Variants in MYCBP2 observed in about 807,000 individuals in gnomAD.
The protein encoded by MYCBP2 is E3 ubiquitin-protein ligase MYCBP2.
MYCBP2 carries 120 observed loss-of-function variants against 525.3 expected under a neutral mutation model. That is an observed-to-expected ratio of 0.23 (90% CI 0.20 to 0.27). The LOEUF is 0.27. MYCBP2 is among the 10% of genes least tolerant of loss of function. MYCBP2 has a pLI of 1.00. For synonymous variants in MYCBP2, 1,894 were observed against 1,955.8 expected, an observed-to-expected ratio of 0.97 and a Z score of 0.83; for missense variants, 4,149 against 5,657.1, an observed-to-expected ratio of 0.73 and a Z score of 8.55.
chr13:77,234,206 CTA>C, intron 17 of MYCBP2, among the ~76,000 whole-genome samples: 1 of 151,774 alleles, frequency 6.6e-6, no homozygotes. Context: ...TACAGCAGAA[CTA>C]TAGTTTCCTT....
intron 23 of MYCBP2, among the ~76,000 whole-genome samples, chr13:77,209,106 GT>G (rs1391524495): frequency 6.6e-6 from 1 of 152,196 alleles, no homozygotes; most frequent in African/African-American, 2.4e-5. Context: ...CCTCTCAGCT[GT>G]TTTACCAAAA....
chr13:77,311,570 T>G (rs537310098), intron 1 of MYCBP2, among the ~76,000 whole-genome samples: 440 of 143,842 alleles, frequency 3.1e-3, no homozygotes, highest in Non-Finnish European at 5.0e-3. Flanking sequence ...TTTTTGTTTT[T>G]TTTTTTTTGT....
intron 46 of MYCBP2, among the ~76,000 whole-genome samples, chr13:77,152,144 G>A (rs1427114062): frequency 6.6e-6 from 1 of 152,228 alleles, no homozygotes; most frequent in Non-Finnish European, 1.5e-5. Context: ...TATGGAATCA[G>A]TAGTTTGAGA....
At chr13:77,139,512 C>T (rs1232371317) in intron 51 of MYCBP2, among the ~76,000 whole-genome samples, 176 bp from the exon 52 acceptor site, 1 of 152,090 alleles carries the variant, frequency 6.6e-6, no homozygotes, top group Non-Finnish European at 1.5e-5. Flanking sequence ...GCAAAGAGTG[C>T]CAACACAATA....
At chr13:77,164,694 C>T (rs2058333187) in intron 42 of MYCBP2, among the ~76,000 whole-genome samples, 153 bp from the exon 43 acceptor site, 1 of 152,198 alleles carries the variant, frequency 6.6e-6, no homozygotes, top group African/African-American at 2.4e-5. Flanking sequence ...AGATTCAGTA[C>T]TCAATGTTGT....
At chr13:77,235,914 G>A (rs1166850154) in intron 17 of MYCBP2, among the ~76,000 whole-genome samples, 1 of 152,110 alleles carries the variant, frequency 6.6e-6, no homozygotes, top group Non-Finnish European at 1.5e-5. Flanking sequence ...GGAAAAAAAG[G>A]AAGGGCAAGG....
At chr13:77,203,717 A>C (rs2062923025) in intron 26 of MYCBP2, among the ~76,000 whole-genome samples, 1 of 152,156 alleles carries the variant, frequency 6.6e-6, no homozygotes, top group Non-Finnish European at 1.5e-5. Flanking sequence ...AATGGAACGG[A>C]ACAGAGCCCT....
intron 80 of MYCBP2, among the ~76,000 whole-genome samples, chr13:77,052,242 A>C (rs2036968908): frequency 6.6e-6 from 1 of 151,544 alleles, no homozygotes; most frequent in South Asian, 2.1e-4. Context: ...TCTGTTGCCC[A>C]GGCTGGAGCA....
chr13:77,286,687 C>T (rs1343332623), intron 3 of MYCBP2, among the ~76,000 whole-genome samples: 23 of 118,006 alleles, frequency 1.9e-4, no homozygotes, highest in African/African-American at 5.2e-4. Flanking sequence ...ACCTGGGAGG[C>T]GGAGCTTGCA....
chr13:77,167,264 A>G (rs542902424), intron 40 of MYCBP2, among the ~76,000 whole-genome samples: 1 of 152,310 alleles, frequency 6.6e-6, no homozygotes, highest in Non-Finnish European at 1.5e-5. Flanking sequence ...GTGTGTATGT[A>G]TAACAGAAAT....
Position 77,180,190 on chromosome 13 carries a change from A to AG in MYCBP2, c.5069dup (p.Asn1691Ter). 1 of 1,614,096 alleles carries AG rather than the reference A, an allele frequency of 6.2e-7. No individual in the cohort carries two copies. Among genetic ancestry groups the AG allele is most frequent in the African/African-American group, 1.3e-5 (1 of 75,060 alleles). On this transcript the variant is annotated frameshift_variant, in exon 34 of 83. Transcript: ENST00000544440. LOFTEE classifies it high-confidence loss of function. The stretch of plus-strand genomic sequence containing the variant: ...TGCTGGCCAGTAATCCACAGGTGTT[A>AG]GAGACGAGGTGGGAGGAGAAGAGTT...
At chr13:77,150,497 T>C (rs2056308195) in intron 47 of MYCBP2, among the ~76,000 whole-genome samples, 1 of 152,130 alleles carries the variant, frequency 6.6e-6, no homozygotes, top group Non-Finnish European at 1.5e-5. Flanking sequence ...CATCTGTATC[T>C]CTGATTCGAT....
chr13:77,200,660 C>T (rs1347387486), intron 26 of MYCBP2, among the ~76,000 whole-genome samples: 1 of 152,142 alleles, frequency 6.6e-6, no homozygotes, highest in Non-Finnish European at 1.5e-5. Context: ...GGGTTACCCT[C>T]AAAGGGAAGC....
At chr13:77,272,747 C>T (rs1008253830) in intron 5 of MYCBP2, among the ~76,000 whole-genome samples, 1 of 152,138 alleles carries the variant, frequency 6.6e-6, no homozygotes, top group South Asian at 2.1e-4. Flanking sequence ...CTGAATAAGA[C>T]AGAAAATGAC....
chr13:77,265,000 T>G (rs551429775), intron 8 of MYCBP2, among the ~76,000 whole-genome samples: 15 of 152,208 alleles, frequency 9.9e-5, no homozygotes, highest in African/African-American at 3.6e-4. Flanking sequence ...AAACATAAAA[T>G]TCTGATTTTG....
At chr13:77,087,668 A>G in intron 61 of MYCBP2, 35 bp from the exon 62 acceptor site, 2 of 1,580,744 alleles carry the variant, frequency 1.3e-6, no homozygotes, top group Non-Finnish European at 1.7e-6. Context: ...TTCAAGAATA[A>G]AATACATGAG....
In MYCBP2 at chr13:77,086,330, TCCC is replaced by T. The variant is rs1191984693; in HGVS notation, c.10875+1151_10875+1153del. Among the ~76,000 whole-genome samples the T allele has an allele frequency of 2.0e-3, 309 of 152,278 alleles. 2 individuals carry two copies. The highest frequency in any genetic ancestry group is 5.4e-3 in the African/African-American group (225 of 41,574). On this transcript the variant is annotated intron_variant, in intron 62 of 82. Transcript: ENST00000544440. Reference sequence around the variant, plus strand: ...AAAAATTAAGCAATTATTCTCACTGTCCCTCTTTTGAAAGCTAATATTTTTTTC... The same window carrying T: ...AAAAATTAAGCAATTATTCTCACTGTTCTTTTGAAAGCTAATATTTTTTTC...
At chr13:77,233,860 CAG>C (rs553354552) in intron 17 of MYCBP2, among the ~76,000 whole-genome samples, 24 of 147,362 alleles carry the variant, frequency 1.6e-4, no homozygotes, top group South Asian at 2.3e-4. Context: ...TGTATACACA[CAG>C]AGAGAGAGAG....
chr13:77,075,179 T>C lies in MYCBP2; in HGVS notation c.11823+1572A>G, dbSNP rs149662853. ...GCCGTGATCATACCACTGCACTCTA[T>C]CCTGGATGACAGAGAGAGACCCGGT... On this transcript the variant is annotated intron_variant, in intron 68 of 82. Transcript: ENST00000544440. 5.9e-5 allele frequency among the ~76,000 whole-genome samples: 9 copies of C among 152,156 alleles called. No individual in the cohort carries two copies. In the East Asian group the frequency reaches 1.7e-3, roughly 29 times the overall value.
Sources: gnomAD v4.1 joint callset for allele counts (sites outside exome capture counted in the v4.1 genomes callset) on GRCh38, gnomAD v4.1.1 for gene constraint, MANE v1.5 for transcripts, NCBI Gene and HGNC (gene_info 2026-07-23, HGNC 2026-07-21) for gene names.